ASB3: variants seen among roughly 807,000 people sequenced by gnomAD.
ASB3 encodes ankyrin repeat and SOCS box containing 3, also known as ankyrin repeat and SOCS box protein 3.
A neutral mutation model predicts 54.5 loss-of-function variants in ASB3; 41 were observed. The observed-to-expected ratio is 0.75, with a 90% CI of 0.59 to 0.98. The LOEUF (loss-of-function observed/expected upper bound fraction) is 0.98. Ranked by LOEUF, ASB3 falls within the 50% of genes least tolerant of loss-of-function variation. The probability of loss-of-function intolerance (pLI) is 0.00; values close to 1 mark genes in which losing one functional copy is unlikely to be tolerated. For missense variants in ASB3, 733 were observed against 620.0 expected (o/e 1.18, Z -1.94); for synonymous variants, 266 against 221.2 (o/e 1.20, Z -1.80).
chr2:53,725,619 T>C (rs1435949140), intron 5 of ASB3, among the ~76,000 whole-genome samples: 2 of 152,236 alleles, frequency 1.3e-5, no homozygotes, highest in African/African-American at 4.8e-5. Flanking sequence ...ATGATGTTGT[T>C]ACATGACCAT....
At chr2:53,700,004 C>T (rs1278860471) in intron 8 of ASB3, among the ~76,000 whole-genome samples, 1 of 152,124 alleles carries the variant, frequency 6.6e-6, no homozygotes, top group Non-Finnish European at 1.5e-5. Flanking sequence ...ATGAGGAATG[C>T]CCAGAAGTCG....
chr2:53,764,611 CTCAGTAGTGTGCTGG>C (rs568825237), intron 2 of ASB3, among the ~76,000 whole-genome samples: 3 of 152,310 alleles, frequency 2.0e-5, no homozygotes, highest in Non-Finnish European at 4.4e-5. Context: ...ATGACCTTCA[CTCAGTAGTGTGCTGG>C]TTAACATTTA....
chr2:53,726,679 C>CAT (rs917452912), intron 5 of ASB3, among the ~76,000 whole-genome samples: 113 of 150,224 alleles, frequency 7.5e-4, no homozygotes, highest in African/African-American at 1.7e-3. Flanking sequence ...TATATATACA[C>CAT]ATATATATAT....
chr2:53,703,106 G>A (rs1031295858), intron 7 of ASB3, among the ~76,000 whole-genome samples: 13 of 152,296 alleles, frequency 8.5e-5, no homozygotes, highest in Admixed American at 2.6e-4. Context: ...TACTTCTGTG[G>A]CCATATATAA....
At chr2:53,767,711 C>T in intron 1 of ASB3, 1 of 706,498 alleles carries the variant, frequency 1.4e-6, no homozygotes, top group Non-Finnish European at 2.3e-6. Context: ...ATAAAGCTGA[C>T]TGAGATCCGC....
At chr2:53,784,310 G>A (rs1674815361) in intron 1 of ASB3, among the ~76,000 whole-genome samples, 1 of 152,178 alleles carries the variant, frequency 6.6e-6, no homozygotes, top group South Asian at 2.1e-4. Flanking sequence ...TTGGGCACAT[G>A]CTGTCAGGAC....
At chr2:53,684,692 G>C (rs1186585835) in intron 9 of ASB3, among the ~76,000 whole-genome samples, 2 of 152,154 alleles carry the variant, frequency 1.3e-5, no homozygotes, top group African/African-American at 4.8e-5. Context: ...ATATTTTTCT[G>C]ATCAGATGAG....
rs547618048 is a variant in ASB3, at chr2:53,671,101, G to C, written c.1370-411C>G. On this transcript the variant is annotated intron_variant, in intron 9 of 9. Transcript: ENST00000263634. The stretch of plus-strand genomic sequence containing the variant: ...CATCAAGTGAATAGATGTACAGCTT[G>C]CAAGTTTTCCTTTTTATCCATAACA... 3.3e-5 allele frequency among the ~76,000 whole-genome samples: 5 copies of C among 152,284 alleles called. No individual in the cohort carries two copies. In the South Asian group the frequency reaches 1.0e-3, roughly 32 times the overall value.
At chr2:53,695,532 G>C (rs1312776167) in intron 8 of ASB3, among the ~76,000 whole-genome samples, 1 of 151,534 alleles carries the variant, frequency 6.6e-6, no homozygotes, top group Non-Finnish European at 1.5e-5. Context: ...ATGCACTTTA[G>C]GTCTTACTGT....
At chr2:53,708,715 G>A (rs1669927770) in intron 7 of ASB3, among the ~76,000 whole-genome samples, 1 of 152,202 alleles carries the variant, frequency 6.6e-6, no homozygotes, top group African/African-American at 2.4e-5. Context: ...ACTGGGAAGT[G>A]AGCAAAGGTC....
intron 5 of ASB3, among the ~76,000 whole-genome samples, chr2:53,719,492 G>A (rs748058895): frequency 2.0e-5 from 3 of 152,002 alleles, no homozygotes; most frequent in Non-Finnish European, 2.9e-5. Flanking sequence ...ACTCCTCTGC[G>A]ACCAGAGACA....
At chr2:53,703,498 C>G (rs907756958) in intron 7 of ASB3, among the ~76,000 whole-genome samples, 20 of 152,140 alleles carry the variant, frequency 1.3e-4, no homozygotes, top group African/African-American at 4.6e-4. Context: ...CCTTAGGAGG[C>G]CAAGGCAGGA....
chr2:53,773,704 C>A (rs1226331024), intron 1 of ASB3, among the ~76,000 whole-genome samples: 6 of 151,438 alleles, frequency 4.0e-5, no homozygotes, highest in African/African-American at 1.5e-4. Context: ...GCTGGTATTA[C>A]AGGCGTGAGC....
chr2:53,728,100 AGAG>A (rs1671108942), intron 5 of ASB3, among the ~76,000 whole-genome samples: 1 of 152,070 alleles, frequency 6.6e-6, no homozygotes, highest in African/African-American at 2.4e-5. Flanking sequence ...AGCACTGTGA[AGAG>A]CATATCTGGT....
chr2:53,759,517 A>G (rs1270860457), intron 2 of ASB3, among the ~76,000 whole-genome samples: 2 of 152,136 alleles, frequency 1.3e-5, no homozygotes, highest in Non-Finnish European at 2.9e-5. Flanking sequence ...ACCCTACTGA[A>G]CTTGGCAACC....
intron 9 of ASB3, among the ~76,000 whole-genome samples, chr2:53,675,526 G>A (rs1668039050): frequency 3.3e-5 from 5 of 152,222 alleles, no homozygotes; most frequent in South Asian, 2.1e-4. Flanking sequence ...TCTGATACAT[G>A]GATGTAGCTG....
At chr2:53,672,014 T>G (rs973072089) in intron 9 of ASB3, among the ~76,000 whole-genome samples, 2 of 152,168 alleles carry the variant, frequency 1.3e-5, no homozygotes, top group African/African-American at 2.4e-5. Flanking sequence ...TTCTTTAAAC[T>G]CTAATACCCA....
chr2:53,767,485 G>C (rs1673545378), intron 1 of ASB3: 1 of 167,662 alleles, frequency 6.0e-6, no homozygotes, highest in South Asian at 1.5e-4. Flanking sequence ...GGACACGAGT[G>C]ACGACTCCTG....
chr2:53,770,509 A>AG (rs922973174), intron 1 of ASB3, among the ~76,000 whole-genome samples: 1 of 151,250 alleles, frequency 6.6e-6, no homozygotes, highest in Non-Finnish European at 1.5e-5. Flanking sequence ...AAAAAAAAAA[A>AG]AAAAAAAAAA....
Sources: gnomAD v4.1 joint callset for allele counts (sites outside exome capture counted in the v4.1 genomes callset) on GRCh38, gnomAD v4.1.1 for gene constraint, MANE v1.5 for transcripts, NCBI Gene and HGNC (gene_info 2026-07-23, HGNC 2026-07-21) for gene names.